ARHGEF10L: variants seen among roughly 807,000 people sequenced by gnomAD.
The protein encoded by ARHGEF10L is rho guanine nucleotide exchange factor 10-like protein.
In ARHGEF10L, 69 loss-of-function variants were observed where a neutral mutation model predicts 141.2. The ratio of observed to expected loss-of-function variants is 0.49; its 90% CI spans 0.40 to 0.60. The LOEUF (loss-of-function observed/expected upper bound fraction) is 0.60, where lower values mean the gene tolerates loss of function less well. Among genes scored for constraint, ARHGEF10L ranks in the 20% least tolerant of loss-of-function variants. The pLI, the probability that ARHGEF10L is intolerant of heterozygous loss-of-function variation, is 0.00. For synonymous variants in ARHGEF10L, 711 were observed against 718.5 expected (o/e 0.99, Z 0.17); for missense variants, 1,482 against 1,734.3 (o/e 0.85, Z 2.58).
Position 17,696,853 on chromosome 1 carries a change from G to C in ARHGEF10L, c.3313G>C (p.Gly1105Arg). The change falls in exon 29 of 29, where the codon GGC becomes CGC. Residue 1105 changes from glycine (G) to arginine (R), a missense_variant. Around this residue, in one of 3 missense-constraint regions of ARHGEF10L, gnomAD observed 858 missense variants for 966.3 expected, o/e 0.89. Coordinates refer to ENST00000361221, the MANE Select transcript of ARHGEF10L (RefSeq NM_018125.4). ...TCTCGCCCCATTTTCTGCAGGGAAA[G>C]GCATGGTCTCACTCAACGGGCACTG... ...LEGIPKITGK[G>R]MVSLNGHCGP... 1 of 1,543,080 alleles carries C rather than the reference G, an allele frequency of 6.5e-7. No individual in the cohort carries two copies. The highest frequency in any genetic ancestry group is 8.7e-7 in the Non-Finnish European group (1 of 1,143,864).
the ARHGEF10L span, among the ~76,000 whole-genome samples, chr1:17,516,697 G>T: frequency 2.0e-5 from 3 of 152,132 alleles, no homozygotes; most frequent in Non-Finnish European, 2.9e-5. Flanking sequence ...AGGAATCAAG[G>T]CTAGGGGGTG....
the ARHGEF10L span, among the ~76,000 whole-genome samples, chr1:17,518,447 T>G: frequency 6.6e-6 from 1 of 152,176 alleles, no homozygotes; most frequent in African/African-American, 2.4e-5. Flanking sequence ...GTGCTCTTAA[T>G]GATCCCAGAA....
At position 17,697,241 on chromosome 1, in the gene ARHGEF10L, A is replaced by G; in HGVS notation, c.3701A>G (p.Glu1234Gly). ...RPCARDAHRK[E>G]ICSVAIISGG... ...TGCGCCCGCGACGCCCACCGCAAGG[A>G]GATTTGCTCTGTGGCCATCATCTCC... The change falls in exon 29 of 29, where the codon GAG becomes GGG. Residue 1234 changes from glutamate (E) to glycine (G), a missense_variant. By Grantham distance (98) the Glu-to-Gly change is moderately conservative. This residue lies in a region of ARHGEF10L where 858 missense variants were observed against 966.3 expected (regional missense o/e 0.89). Transcript: ENST00000361221. This position sits in a 1 kb window ranked among gnomAD's most constrained non-coding sequence, Gnocchi z 4.8. 1 of 1,612,368 alleles carries G rather than the reference A, an allele frequency of 6.2e-7. No homozygotes were observed.
At chr1:17,579,929 C>T (rs1019489830) in intron 1 of ARHGEF10L, among the ~76,000 whole-genome samples, 25 of 152,212 alleles carry the variant, frequency 1.6e-4, no homozygotes, top group African/African-American at 5.5e-4. Flanking sequence ...AACTGTGCCC[C>T]CACGCTGAGC....
intron 27 of ARHGEF10L, among the ~76,000 whole-genome samples, chr1:17,691,601 G>A (rs1005157164): frequency 2.0e-5 from 3 of 152,050 alleles, no homozygotes; most frequent in South Asian, 2.1e-4. Context: ...AGACATTAGC[G>A]TCCAGATCCT....
At chr1:17,533,535 C>T in the ARHGEF10L span, among the ~76,000 whole-genome samples, 1 of 152,264 alleles carries the variant, frequency 6.6e-6, no homozygotes, top group African/African-American at 2.4e-5. Context: ...TCTCCTGATA[C>T]TAAGTCCCGT....
intron 25 of ARHGEF10L, among the ~76,000 whole-genome samples, chr1:17,663,885 C>T (rs2062800860): frequency 1.3e-5 from 2 of 152,226 alleles, no homozygotes; most frequent in South Asian, 4.1e-4. Context: ...CACTTTCCAC[C>T]ATATCATGCT....
the ARHGEF10L span, among the ~76,000 whole-genome samples, chr1:17,531,253 G>A: frequency 6.6e-6 from 1 of 152,092 alleles, no homozygotes; most frequent in African/African-American, 2.4e-5. Flanking sequence ...CAGAGGGAAG[G>A]GGCTCCGGGC....
the ARHGEF10L span, among the ~76,000 whole-genome samples, chr1:17,519,322 G>T: frequency 6.6e-6 from 1 of 151,272 alleles, no homozygotes; most frequent in African/African-American, 2.4e-5. Flanking sequence ...TTAAGAAGGA[G>T]GAAACTGGAT....
At chr1:17,685,745 G>T (rs939298739) in intron 26 of ARHGEF10L, among the ~76,000 whole-genome samples, 1 of 152,248 alleles carries the variant, frequency 6.6e-6, no homozygotes, top group Non-Finnish European at 1.5e-5. Flanking sequence ...TAGGCACTGG[G>T]CCTGTGCCAA....
At chr1:17,662,764 G>A (rs79040802) in intron 25 of ARHGEF10L, among the ~76,000 whole-genome samples, 2,267 of 152,224 alleles carry the variant, frequency 0.015, 70 homozygotes, top group African/African-American at 0.052. Flanking sequence ...CTTCCATCAC[G>A]TACCCTGGGG....
the ARHGEF10L span, among the ~76,000 whole-genome samples, chr1:17,527,177 A>C: frequency 6.6e-6 from 1 of 152,126 alleles, no homozygotes; most frequent in Non-Finnish European, 1.5e-5. Context: ...GAAACTAGAA[A>C]CCCTGGGCTC....
intron 7 of ARHGEF10L, among the ~76,000 whole-genome samples, chr1:17,610,201 C>A (rs1431714675): frequency 6.6e-6 from 1 of 152,212 alleles, no homozygotes; most frequent in East Asian, 1.9e-4. Context: ...AGGGCCTCAC[C>A]AGGGACTCTG....
intron 4 of ARHGEF10L, among the ~76,000 whole-genome samples, chr1:17,589,893 T>C (rs141520163): frequency 7.6e-4 from 115 of 151,740 alleles, no homozygotes; most frequent in African/African-American, 2.6e-3. Context: ...GGAGCAAGGA[T>C]GGGGTCGTCA....
At position 17,656,191 on chromosome 1, in the gene ARHGEF10L, G is replaced by A; in HGVS notation, c.2705+89G>A. 7.2e-7 allele frequency: 1 copy of A among 1,390,032 alleles called. No individual in the cohort carries two copies. The highest frequency in any genetic ancestry group is 9.8e-7 in the Non-Finnish European group (1 of 1,021,472). 86.1% of individuals were successfully genotyped at this position (1,390,032 alleles called of 1,614,324 possible). On this transcript the variant is annotated intron_variant, in intron 24 of 28. Transcript: ENST00000361221. This position sits in a 1 kb window ranked among gnomAD's most constrained non-coding sequence, Gnocchi z 4.9. ...TCCCTGTAGCCTTCCGGATCTGCCT[G>A]TTGCCCACCAACATTCTCTGCCCCT...
the ARHGEF10L span, among the ~76,000 whole-genome samples, chr1:17,521,012 C>T: frequency 2.0e-5 from 3 of 152,182 alleles, no homozygotes; most frequent in Non-Finnish European, 4.4e-5. Flanking sequence ...CGGCTCTCTC[C>T]CATGCCATCC....
chr1:17,653,410 G>A (rs1191520898), intron 22 of ARHGEF10L, among the ~76,000 whole-genome samples: 6 of 152,196 alleles, frequency 3.9e-5, no homozygotes, highest in South Asian at 4.1e-4. Flanking sequence ...TCTTCGACCC[G>A]GCTCTGTTGA....
At chr1:17,516,603 G>T in the ARHGEF10L span, among the ~76,000 whole-genome samples, 45,093 of 152,052 alleles carry the variant, frequency 0.3, 6,951 homozygotes, top group Non-Finnish European at 0.31. Context: ...TGAGAAGGCA[G>T]CCCTTCCCAG....
At chr1:17,608,029 CAGGGAGGGAGGG>C (rs551539611) in intron 7 of ARHGEF10L, 52 bp downstream of exon 7, 6 of 693,996 alleles carry the variant, frequency 8.6e-6, no homozygotes, top group Non-Finnish European at 9.9e-6. Flanking sequence ...GAGACCCCTT[CAGGGAGGGAGGG>C]AGGGAGGGAG....
Sources: gnomAD v4.1 joint callset for allele counts (sites outside exome capture counted in the v4.1 genomes callset) on GRCh38, gnomAD v4.1.1 for gene constraint, gnomAD v4.1.1 regional missense constraint, Gnocchi (gnomAD v3.1) non-coding constraint, MANE v1.5 for transcripts, NCBI Gene and HGNC (gene_info 2026-07-23, HGNC 2026-07-21) for gene names.